NRG1: variants seen among roughly 807,000 people sequenced by gnomAD.
The protein encoded by NRG1 is neuregulin 1.
A neutral mutation model predicts 63.8 loss-of-function variants in NRG1; 18 were observed. That is an observed-to-expected ratio of 0.28 (90% CI 0.19 to 0.42). The LOEUF (loss-of-function observed/expected upper bound fraction) is 0.42, where lower values mean the gene tolerates loss of function less well. Ranked by LOEUF, NRG1 falls within the 10% of genes least tolerant of loss-of-function variation. The pLI is 1.00. For missense variants in NRG1, 762 were observed against 814.7 expected (o/e 0.94, Z 0.79); for synonymous variants, 302 against 301.3 (o/e 1.00, Z -0.02).
At chr8:31,748,973 G>A (rs1250635954) in intron 1 of NRG1, among the ~76,000 whole-genome samples, 1 of 151,830 alleles carries the variant, frequency 6.6e-6, no homozygotes, top group Non-Finnish European at 1.5e-5. Flanking sequence ...TAATCACAGC[G>A]ACTTTCTTTT....
upstream of NRG1, among the ~76,000 whole-genome samples, chr8:32,547,859 G>A (rs1472064684): frequency 6.6e-6 from 1 of 152,188 alleles, no homozygotes; most frequent in African/African-American, 2.4e-5. Context: ...CCTGACCACG[G>A]AGACTCTGCT....
chr8:32,316,493 A>AATCCTAAG (rs1366834944), intron 1 of NRG1, among the ~76,000 whole-genome samples: 6 of 147,434 alleles, frequency 4.1e-5, no homozygotes, highest in Non-Finnish European at 7.5e-5. Context: ...AAAAAAAAAG[A>AATCCTAAG]ATCCTAAGGA....
chr8:32,499,131 C>T (rs1379445702), intron 1 of NRG1, among the ~76,000 whole-genome samples: 8 of 152,108 alleles, frequency 5.3e-5, no homozygotes, highest in Non-Finnish European at 2.9e-5. Flanking sequence ...AGCACATTCC[C>T]ACTGATCTCA....
chr8:32,054,508 T>C (rs1274480002), intron 1 of NRG1, among the ~76,000 whole-genome samples: 1 of 152,226 alleles, frequency 6.6e-6, no homozygotes, highest in Non-Finnish European at 1.5e-5. Context: ...GATACCCAAA[T>C]GCGTATGTTA....
At chr8:31,896,583 A>G (rs1479760257) in intron 1 of NRG1, among the ~76,000 whole-genome samples, 2 of 152,212 alleles carry the variant, frequency 1.3e-5, no homozygotes, top group Admixed American at 1.3e-4. Flanking sequence ...TCATTAGAAT[A>G]ACCTGGAGGG....
chr8:32,362,883 C>T (rs1284618534), intron 1 of NRG1, among the ~76,000 whole-genome samples: 1 of 152,130 alleles, frequency 6.6e-6, no homozygotes, highest in East Asian at 1.9e-4. Flanking sequence ...CTCATGAGAA[C>T]ATTGGGAGCC....
At chr8:32,274,398 AT>A (rs1439883796) in intron 1 of NRG1, among the ~76,000 whole-genome samples, 1 of 152,120 alleles carries the variant, frequency 6.6e-6, no homozygotes, top group African/African-American at 2.4e-5. Context: ...TGGAGAAAAG[AT>A]TTTCTTCTAA....
At chr8:31,718,213 C>T (rs971819692) in intron 1 of NRG1, among the ~76,000 whole-genome samples, 10 of 151,800 alleles carry the variant, frequency 6.6e-5, no homozygotes, top group Non-Finnish European at 1.2e-4. Context: ...TTTGAATTTA[C>T]TTCCTTTCAT....
intron 1 of NRG1, among the ~76,000 whole-genome samples, chr8:32,187,584 AT>A (rs1307791376): frequency 6.6e-6 from 1 of 152,108 alleles, no homozygotes; most frequent in African/African-American, 2.4e-5. Flanking sequence ...CATGTCTGTG[AT>A]TTGTGAAGCA....
chr8:32,214,254 G>T (rs1265358629), intron 1 of NRG1, among the ~76,000 whole-genome samples: 2 of 152,060 alleles, frequency 1.3e-5, no homozygotes, highest in African/African-American at 4.8e-5. Flanking sequence ...ATGCCAAAGT[G>T]GCGTATTTTG....
intron 5 of NRG1, 64 bp from the exon 6 acceptor site, chr8:32,727,885 T>G (rs1178857465): frequency 6.6e-7 from 1 of 1,523,730 alleles, no homozygotes; most frequent in East Asian, 2.3e-5. Context: ...AATTTAAGAT[T>G]AAAGGCTGCT....
chr8:32,689,191 A>G (rs545867955), intron 5 of NRG1, among the ~76,000 whole-genome samples: 1 of 152,284 alleles, frequency 6.6e-6, no homozygotes, highest in Non-Finnish European at 1.5e-5. Flanking sequence ...TTTCATGATA[A>G]GATCTTTTGC....
intron 1 of NRG1, among the ~76,000 whole-genome samples, chr8:32,189,742 C>T (rs984121161): frequency 3.3e-5 from 5 of 152,108 alleles, no homozygotes; most frequent in African/African-American, 1.2e-4. Context: ...GCTAACTGGC[C>T]CCCCTGAGTC....
intron 1 of NRG1, among the ~76,000 whole-genome samples, chr8:32,562,770 T>C (rs1588328469): frequency 6.6e-6 from 1 of 152,120 alleles, no homozygotes; most frequent in Non-Finnish European, 1.5e-5. Context: ...AATAACACCA[T>C]GTACTGGCAT....
intron 1 of NRG1, among the ~76,000 whole-genome samples, chr8:32,558,751 TA>T: frequency 6.6e-6 from 1 of 152,240 alleles, no homozygotes; most frequent in East Asian, 1.9e-4. Flanking sequence ...CTGGATGGCA[TA>T]GTTGCTGAGT....
At chr8:32,068,748 CA>C (rs1363800696) in intron 1 of NRG1, among the ~76,000 whole-genome samples, 1 of 152,164 alleles carries the variant, frequency 6.6e-6, no homozygotes, top group Non-Finnish European at 1.5e-5. Context: ...GATAGCAGTG[CA>C]AGATGTCTTG....
intron 5 of NRG1, among the ~76,000 whole-genome samples, chr8:32,635,590 T>G (rs896801627): frequency 1.3e-5 from 2 of 152,150 alleles, no homozygotes; most frequent in African/African-American, 4.8e-5. Flanking sequence ...TTCAACACAT[T>G]TTTCCCCCAC....
At position 31,640,829 on chromosome 8, in the gene NRG1, C is replaced by T; in HGVS notation, c.37+1398C>T. The T allele has an allele frequency of 7.1e-7, 1 of 1,410,026 alleles. No individual in the cohort carries two copies. Among genetic ancestry groups the T allele is most frequent in the Non-Finnish European group, 9.2e-7 (1 of 1,084,446 alleles). The allele number at this position is 1,410,026 out of a possible 1,614,324, so 87.3% of individuals were successfully genotyped here. A position where few individuals can be genotyped will look rare whatever the true frequency, so the allele number is the denominator to read the frequency against. Reference sequence around the variant, plus strand: ...GACGGCCGCCCGAGCAAGGCAGAGGCGCTCTGGGTCCCAGTTGTTGGTTTC... The same window carrying T: ...GACGGCCGCCCGAGCAAGGCAGAGGTGCTCTGGGTCCCAGTTGTTGGTTTC... On this transcript the variant is annotated intron_variant, in intron 1 of 10. Transcript: ENST00000519301. This position sits in a 1 kb window ranked among gnomAD's most constrained non-coding sequence, Gnocchi z 6.3.
intron 1 of NRG1, among the ~76,000 whole-genome samples, chr8:31,979,298 T>G (rs1310346982): frequency 6.6e-6 from 1 of 152,178 alleles, no homozygotes; most frequent in African/African-American, 2.4e-5. Flanking sequence ...AATGGCATTT[T>G]CTAACCATGT....
Sources: allele counts gnomAD v4.1 joint callset (sites outside exome capture counted in the v4.1 genomes callset), GRCh38; gene constraint gnomAD v4.1.1; non-coding constraint Gnocchi (gnomAD v3.1); transcripts MANE v1.5; gene names NCBI Gene and HGNC (gene_info 2026-07-23, HGNC 2026-07-21).